Variants in TRIM44 observed in about 807,000 individuals in gnomAD.
The protein encoded by TRIM44 is tripartite motif-containing protein 44.
Under a neutral mutation model 37.4 loss-of-function variants are expected in TRIM44, and 13 were observed. The ratio of observed to expected loss-of-function variants is 0.35; its 90% CI spans 0.23 to 0.55. The LOEUF (loss-of-function observed/expected upper bound fraction) is 0.55, where lower values mean the gene tolerates loss of function less well. Among genes scored for constraint, TRIM44 ranks in the 20% least tolerant of loss-of-function variants. TRIM44 has a pLI of 0.89. For missense variants in TRIM44, 426 were observed against 437.2 expected, an observed-to-expected ratio of 0.97 and a Z score of 0.23; for synonymous variants, 175 against 157.2, an observed-to-expected ratio of 1.11 and a Z score of -0.85.
intron 1 of TRIM44, among the ~76,000 whole-genome samples, chr11:35,670,496 G>A (rs987406066): frequency 3.9e-5 from 6 of 152,146 alleles, no homozygotes; most frequent in African/African-American, 1.4e-4. Flanking sequence ...GGTGAAACTG[G>A]AGTTACAAGG....
rs1853358678 is a variant in TRIM44 at position 35,800,866 on chromosome 11, C to A, written c.1008-5492C>A. On this transcript the variant is annotated intron_variant, in intron 4 of 4. Transcript: ENST00000299413. ...CCTAAACTTTGCTTAAAATGCAAGGCATCCTAATTTCCCAGATAAGGATAC... is the reference window on the plus strand; with the variant it reads ...CCTAAACTTTGCTTAAAATGCAAGGAATCCTAATTTCCCAGATAAGGATAC... 2.0e-5 allele frequency among the ~76,000 whole-genome samples: 3 copies of A among 152,324 alleles called. No homozygotes were observed. In the South Asian group the frequency reaches 6.2e-4, roughly 32 times the overall value.
chr11:35,705,294 T>C (rs9795204), intron 2 of TRIM44, among the ~76,000 whole-genome samples: 63,767 of 151,482 alleles, frequency 0.42, 14,710 homozygotes, highest in African/African-American at 0.6. Context: ...GAGACTTAGA[T>C]TCCCACACAA....
intron 3 of TRIM44, among the ~76,000 whole-genome samples, chr11:35,729,083 C>T (rs770567111): frequency 6.6e-6 from 1 of 151,972 alleles, no homozygotes; most frequent in Non-Finnish European, 1.5e-5. Context: ...TGAGAGGATA[C>T]AAGGCAGTGA....
At chr11:35,743,647 C>CT (rs1179961861) in intron 4 of TRIM44, among the ~76,000 whole-genome samples, 1 of 152,092 alleles carries the variant, frequency 6.6e-6, no homozygotes, top group Non-Finnish European at 1.5e-5. Context: ...TCTTTCTTTT[C>CT]TTTTTTTCCA....
intron 4 of TRIM44, among the ~76,000 whole-genome samples, chr11:35,802,717 C>T (rs1463810836): frequency 6.6e-6 from 1 of 152,070 alleles, no homozygotes; most frequent in African/African-American, 2.4e-5. Flanking sequence ...TTTGTTCTCC[C>T]CAGTGTTTGG....
intron 4 of TRIM44, among the ~76,000 whole-genome samples, chr11:35,768,824 G>T (rs144949156): frequency 6.6e-6 from 1 of 152,144 alleles, no homozygotes; most frequent in African/African-American, 2.4e-5. Flanking sequence ...GTTCTTGATG[G>T]TAAAAAATAT....
intron 2 of TRIM44, among the ~76,000 whole-genome samples, chr11:35,719,991 T>G (rs947282305): frequency 6.6e-6 from 1 of 152,188 alleles, no homozygotes; most frequent in African/African-American, 2.4e-5. Flanking sequence ...TTCGGCTTTG[T>G]TCTTCTTCAA....
chr11:35,750,551 G>A (rs1852547824), intron 4 of TRIM44, among the ~76,000 whole-genome samples: 1 of 152,162 alleles, frequency 6.6e-6, no homozygotes, highest in Non-Finnish European at 1.5e-5. Flanking sequence ...AATGAAATAT[G>A]TTTAGTTTGT....
At chr11:35,687,505 G>A (rs1564951123) in intron 2 of TRIM44, among the ~76,000 whole-genome samples, 2 of 152,294 alleles carry the variant, frequency 1.3e-5, no homozygotes, top group African/African-American at 2.4e-5. Flanking sequence ...AGTTTCTCTG[G>A]TTTCTGGAGC....
chr11:35,748,757 G>A (rs1215147369), intron 4 of TRIM44, among the ~76,000 whole-genome samples: 1 of 152,174 alleles, frequency 6.6e-6, no homozygotes, highest in Non-Finnish European at 1.5e-5. Flanking sequence ...CTTTTCTTTT[G>A]AGATCTATCA....
At chr11:35,793,630 G>A (rs1285683976) in intron 4 of TRIM44, among the ~76,000 whole-genome samples, 1 of 152,134 alleles carries the variant, frequency 6.6e-6, no homozygotes, top group Non-Finnish European at 1.5e-5. Context: ...CAAGGCCTTG[G>A]AACATCTTTA....
chr11:35,761,919 G>C (rs969339907), intron 4 of TRIM44, among the ~76,000 whole-genome samples: 1 of 152,214 alleles, frequency 6.6e-6, no homozygotes, highest in African/African-American at 2.4e-5. Context: ...AGCAGAGAGA[G>C]CCTTGGAGAG....
At chr11:35,696,963 T>G (rs1223040587) in intron 2 of TRIM44, among the ~76,000 whole-genome samples, 1 of 152,234 alleles carries the variant, frequency 6.6e-6, no homozygotes, top group Non-Finnish European at 1.5e-5. Flanking sequence ...CAAATTTCAC[T>G]GTTGTACTAC....
chr11:35,720,718 C>G (rs1281408354), intron 2 of TRIM44, among the ~76,000 whole-genome samples: 1 of 151,988 alleles, frequency 6.6e-6, no homozygotes, highest in Non-Finnish European at 1.5e-5. Context: ...CCCCCCCACC[C>G]CATTCCTAGT....
rs1325362419 is a variant in TRIM44 at position 35,814,802 on chromosome 11, T to G, written c.*8417T>G. ...TTTTGTGACTTCATTGTAACCAGCA[T>G]TTTGTAATACTCTTAACAGCAGAGG... On this transcript the variant is annotated 3_prime_UTR_variant, in exon 5 of 5. Transcript: ENST00000299413. 1 of 152,168 alleles carries G rather than the reference T, an allele frequency of 6.6e-6. No homozygotes were observed. Among genetic ancestry groups the G allele is most frequent in the Non-Finnish European group, 1.5e-5 (1 of 68,038 alleles). 9.4% of individuals were successfully genotyped at this position (152,168 alleles called of 1,614,324 possible). A position where few individuals can be genotyped will look rare whatever the true frequency, so the allele number is the denominator to read the frequency against.
At chr11:35,696,661 A>C (rs942980932) in intron 2 of TRIM44, among the ~76,000 whole-genome samples, 3 of 151,574 alleles carry the variant, frequency 2.0e-5, no homozygotes, top group Non-Finnish European at 2.9e-5. Context: ...ATCCTGGCCA[A>C]CGTGGTGAAA....
intron 4 of TRIM44, among the ~76,000 whole-genome samples, chr11:35,753,646 T>C (rs1852586417): frequency 6.6e-6 from 1 of 152,232 alleles, no homozygotes; most frequent in Admixed American, 6.5e-5. Context: ...CAGATTATGC[T>C]TAAGTAAACG....
chr11:35,735,512 G>T, intron 4 of TRIM44, 67 bp downstream of exon 4: 1 of 1,511,492 alleles, frequency 6.6e-7, no homozygotes, highest in Non-Finnish European at 9.2e-7. Context: ...GCCTTTTAGT[G>T]CTCCATGAAA....
intron 2 of TRIM44, among the ~76,000 whole-genome samples, chr11:35,706,398 C>T (rs1851881699): frequency 6.6e-6 from 1 of 152,176 alleles, no homozygotes; most frequent in Non-Finnish European, 1.5e-5. Flanking sequence ...GGGAATCCTC[C>T]CTAACTCATT....
Sources: allele counts gnomAD v4.1 joint callset (sites outside exome capture counted in the v4.1 genomes callset), GRCh38; gene constraint gnomAD v4.1.1; transcripts MANE v1.5; gene names NCBI Gene and HGNC (gene_info 2026-07-23, HGNC 2026-07-21).